Variants in CCDC30 observed in about 807,000 individuals in gnomAD.
CCDC30 encodes the protein coiled-coil domain containing 30, also known as coiled-coil domain-containing protein 30.
In CCDC30, 70 loss-of-function variants were observed where a neutral mutation model predicts 100.2. The ratio of observed to expected loss-of-function variants is 0.70; its 90% CI spans 0.58 to 0.85. The LOEUF is 0.85. Among genes scored for constraint, CCDC30 ranks in the 40% least tolerant of loss-of-function variants. The probability of loss-of-function intolerance (pLI) is 0.00; values close to 1 mark genes in which losing one functional copy is unlikely to be tolerated. For missense variants in CCDC30, 652 were observed against 771.2 expected (o/e 0.85, Z 1.83); for synonymous variants, 233 against 269.5 (o/e 0.86, Z 1.33).
In CCDC30 at chr1:42,545,594, T is replaced by C. The variant is rs760822167; in HGVS notation, c.457-20702T>C. 8.2e-6 allele frequency: 13 copies of C among 1,585,850 alleles called. No homozygotes were observed. Among genetic ancestry groups the C allele is most frequent in the Non-Finnish European group, 1.0e-5 (12 of 1,169,008 alleles). The stretch of plus-strand genomic sequence containing the variant: ...GAGGAACTCTGGTAAATTGGGAAAA[T>C]CCTATATCACATTAATTATTCAGAG... On this transcript the variant is annotated intron_variant, in intron 6 of 16. Coordinates refer to ENST00000668663, the Ensembl canonical transcript of CCDC30.
chr1:42,569,810 G>A (rs1028652913), intron 7 of CCDC30, among the ~76,000 whole-genome samples: 1 of 152,216 alleles, frequency 6.6e-6, no homozygotes, highest in Non-Finnish European at 1.5e-5. Flanking sequence ...AAAAGAATGA[G>A]TTCATGTCCT....
intron 12 of CCDC30, among the ~76,000 whole-genome samples, chr1:42,639,218 C>G (rs898867007): frequency 3.3e-5 from 5 of 150,408 alleles, no homozygotes; most frequent in Non-Finnish European, 7.4e-5. Flanking sequence ...GATTGCTGTC[C>G]TTATAGGAAG....
In CCDC30 at chr1:42,641,215, TTGTGTGTGTGTGTGTGTGTGTGTG is replaced by T. The variant is rs71065188; in HGVS notation, c.1420-1235_1420-1212del. ...CAGCCTTGAACTCCACACATGGCTT[TTGTGTGTGTGTGTGTGTGTGTGTG>T]TGTGTGTGTGTGTGTGTGTGTGGAG... On this transcript the variant is annotated intron_variant, in intron 12 of 16. Transcript: ENST00000668663. Among the ~76,000 whole-genome samples, 10 of 132,444 alleles carry T rather than the reference TTGTGTGTGTGTGTGTGTGTGTGTG, an allele frequency of 7.6e-5. No homozygotes were observed. In the East Asian group the frequency reaches 2.3e-3, roughly 30 times the overall value. The allele number at this position is 132,444 out of a possible 152,430, so 86.9% of individuals were successfully genotyped here. A position where few individuals can be genotyped will look rare whatever the true frequency, so the allele number is the denominator to read the frequency against.
At chr1:42,473,968 T>TG (rs1643845567) in intron 1 of CCDC30, among the ~76,000 whole-genome samples, 1 of 132,424 alleles carries the variant, frequency 7.6e-6, no homozygotes, top group African/African-American at 2.6e-5. Flanking sequence ...TAGATAAAGC[T>TG]ATTTTTTTTT....
intron 6 of CCDC30, among the ~76,000 whole-genome samples, chr1:42,509,528 C>T (rs189534728): frequency 2.2e-4 from 34 of 152,222 alleles, no homozygotes; most frequent in African/African-American, 7.5e-4. Flanking sequence ...CACCATTTTA[C>T]AATGGTGGGG....
intron 1 of CCDC30, among the ~76,000 whole-genome samples, chr1:42,479,628 T>C (rs944763801): frequency 3.4e-5 from 5 of 148,784 alleles, no homozygotes; most frequent in African/African-American, 1.2e-4. Context: ...TGGTGAGGAA[T>C]GCCTGCTCTA....
intron 2 of CCDC30, 142 bp from the exon 3 acceptor site, chr1:42,482,521 A>G: frequency 2.3e-6 from 1 of 432,602 alleles, no homozygotes; most frequent in Non-Finnish European, 3.8e-6. Context: ...ACACACATAC[A>G]CACACACACT....
chr1:42,528,926 A>G (rs1644766356), intron 6 of CCDC30, among the ~76,000 whole-genome samples: 4 of 152,220 alleles, frequency 2.6e-5, no homozygotes, highest in Non-Finnish European at 5.9e-5. Context: ...GTTTTCCCTA[A>G]CGTTTAACAT....
intron 7 of CCDC30, among the ~76,000 whole-genome samples, chr1:42,572,564 T>C (rs1345013744): frequency 6.6e-6 from 1 of 152,166 alleles, no homozygotes; most frequent in African/African-American, 2.4e-5. Flanking sequence ...AATATCTTAC[T>C]ACTTCAAAGT....
intron 6 of CCDC30, among the ~76,000 whole-genome samples, chr1:42,505,321 AT>A (rs1165592965): frequency 6.6e-6 from 1 of 152,152 alleles, no homozygotes; most frequent in Non-Finnish European, 1.5e-5. Context: ...ATTGATCCAG[AT>A]TTTTACATTA....
chr1:42,577,342 T>A, intron 8 of CCDC30, 113 bp downstream of exon 12: 2 of 732,294 alleles, frequency 2.7e-6, no homozygotes, highest in South Asian at 4.0e-5. Context: ...AATTCTAAGA[T>A]TTTTTTTCTC....
intron 2 of CCDC30, among the ~76,000 whole-genome samples, chr1:42,482,386 G>T (rs1643974063): frequency 6.6e-6 from 1 of 151,944 alleles, no homozygotes; most frequent in African/African-American, 2.4e-5. Context: ...CAAAGAAATA[G>T]AACAATACAC....
At chr1:42,632,621 G>A (rs542416114) in intron 11 of CCDC30, among the ~76,000 whole-genome samples, 5 of 151,488 alleles carry the variant, frequency 3.3e-5, no homozygotes, top group South Asian at 4.2e-4. Context: ...TTAGCCGGGC[G>A]TGATGGTGCA....
upstream of CCDC30, among the ~76,000 whole-genome samples, chr1:42,462,507 A>G (rs1204733038): frequency 6.6e-6 from 1 of 152,206 alleles, no homozygotes; most frequent in Non-Finnish European, 1.5e-5. Context: ...ATGCATGTAG[A>G]ACCAGCAAAA....
chr1:42,553,138 T>A (rs554049936), intron 6 of CCDC30, among the ~76,000 whole-genome samples: 23 of 152,322 alleles, frequency 1.5e-4, no homozygotes, highest in African/African-American at 5.3e-4. Context: ...TGTTTCTTCC[T>A]TGGCCTTTTC....
At chr1:42,462,493 G>C (rs936023604), upstream of CCDC30, among the ~76,000 whole-genome samples, 3 of 152,186 alleles carry the variant, frequency 2.0e-5, no homozygotes, top group African/African-American at 7.2e-5. Flanking sequence ...AATACGTCCG[G>C]ATAATGCATG....
chr1:42,616,407 T>A (rs1331095942), intron 11 of CCDC30, among the ~76,000 whole-genome samples: 1 of 152,234 alleles, frequency 6.6e-6, no homozygotes, highest in African/African-American at 2.4e-5. Flanking sequence ...GTGATTCTAA[T>A]GTGCATCCGA....
intron 11 of CCDC30, among the ~76,000 whole-genome samples, chr1:42,623,131 A>G (rs948156987): frequency 2.0e-5 from 3 of 152,220 alleles, no homozygotes; most frequent in Non-Finnish European, 4.4e-5. Flanking sequence ...TCTGGTTATT[A>G]AACCCTTGTC....
At chr1:42,492,021 A>AATG in intron 4 of CCDC30, 1 of 578,798 alleles carries the variant, frequency 1.7e-6, no homozygotes. Flanking sequence ...TCAGGAAAAA[A>AATG]ACTAACTTCC....
Sources: gnomAD v4.1 joint callset for allele counts (sites outside exome capture counted in the v4.1 genomes callset) on GRCh38, gnomAD v4.1.1 for gene constraint, MANE v1.5 for transcripts, NCBI Gene and HGNC (gene_info 2026-07-23, HGNC 2026-07-21) for gene names.